The following EPB41L4B variants were observed in gnomAD, a reference collection of about 807,000 sequenced individuals.
The protein encoded by EPB41L4B is band 4.1-like protein 4B.
A neutral mutation model predicts 112.5 loss-of-function variants in EPB41L4B; 30 were observed. The observed-to-expected ratio is 0.27, with a 90% CI of 0.20 to 0.36. The LOEUF (loss-of-function observed/expected upper bound fraction) is 0.36. Ranked by LOEUF, EPB41L4B falls within the 10% of genes least tolerant of loss-of-function variation. The probability of loss-of-function intolerance (pLI) is 1.00; values close to 1 mark genes in which losing one functional copy is unlikely to be tolerated. For synonymous variants in EPB41L4B, 408 were observed against 439.7 expected (o/e 0.93, Z 0.90); for missense variants, 1,024 against 1,133.3 (o/e 0.90, Z 1.38).
Position 109,307,851 on chromosome 9 carries a change from C to G in EPB41L4B, c.306+12290G>C, listed in dbSNP as rs115532466. ...AAGAGATGGCAGAGTCTCAGAGGGGCAAAGAGGCTCGCTGGATGTCGCTCA... is the reference window on the plus strand; with the variant it reads ...AAGAGATGGCAGAGTCTCAGAGGGGGAAAGAGGCTCGCTGGATGTCGCTCA... On this transcript the variant is annotated intron_variant, in intron 1 of 25. Coordinates refer to ENST00000374566, the MANE Select transcript of EPB41L4B (RefSeq NM_019114.5). Among the ~76,000 whole-genome samples, 1,056 of 152,162 alleles carry G rather than the reference C, an allele frequency of 6.9e-3. 12 individuals are homozygous for G. Among genetic ancestry groups the G allele is most frequent in the African/African-American group, 0.024 (1,013 of 41,518 alleles).
At chr9:109,281,683 CATAA>C (rs201132051) in intron 1 of EPB41L4B, among the ~76,000 whole-genome samples, 13,036 of 138,442 alleles carry the variant, frequency 0.094, 753 homozygotes, top group Admixed American at 0.12. Flanking sequence ...GACTCCGTCT[CATAA>C]ATAAATAAAT....
chr9:109,207,051 C>T (rs1833012037), intron 18 of EPB41L4B, among the ~76,000 whole-genome samples: 1 of 152,232 alleles, frequency 6.6e-6, no homozygotes, highest in Non-Finnish European at 1.5e-5. Context: ...GTCCAGGACC[C>T]ACAGGCATGT....
intron 6 of EPB41L4B, among the ~76,000 whole-genome samples, chr9:109,260,690 C>CT (rs1181431714): frequency 6.6e-6 from 1 of 152,194 alleles, no homozygotes; most frequent in Non-Finnish European, 1.5e-5. Flanking sequence ...GCTGGGATTA[C>CT]AGGGGTGAGC....
intron 2 of EPB41L4B, among the ~76,000 whole-genome samples, chr9:109,278,132 G>A (rs1409051698): frequency 1.3e-5 from 2 of 152,138 alleles, no homozygotes; most frequent in Admixed American, 6.5e-5. Context: ...CAAAGGAAGC[G>A]GAATTGGACT....
chr9:109,302,681 G>A (rs553945605), intron 1 of EPB41L4B, among the ~76,000 whole-genome samples: 2 of 151,952 alleles, frequency 1.3e-5, no homozygotes, highest in Non-Finnish European at 2.9e-5. Context: ...AAGATCCAAC[G>A]TTCTCCACAG....
rs185894281 is a variant in EPB41L4B, at chr9:109,234,871, C to A, written c.1409+8747G>T. Among the ~76,000 whole-genome samples the A allele has an allele frequency of 1.2e-3, 183 of 152,288 alleles. 1 individual carries two copies. The highest frequency in any genetic ancestry group is 4.3e-3 in the African/African-American group (178 of 41,560). On this transcript the variant is annotated intron_variant, in intron 15 of 25. Transcript: ENST00000374566. ...AGACCGTGTCTCAAAAACAAACAAA[C>A]AAAAACAACAACAAAATGGCAACAA...
intron 6 of EPB41L4B, among the ~76,000 whole-genome samples, chr9:109,259,456 G>A (rs1835117408): frequency 6.6e-6 from 1 of 152,164 alleles, no homozygotes; most frequent in Admixed American, 6.5e-5. Flanking sequence ...AAGAACCTCT[G>A]CTGCACACAT....
intron 1 of EPB41L4B, among the ~76,000 whole-genome samples, chr9:109,307,997 T>C (rs1837277962): frequency 6.6e-6 from 1 of 152,154 alleles, no homozygotes; most frequent in Non-Finnish European, 1.5e-5. Context: ...GGGAAAGGCC[T>C]TTCGCCGCCT....
intron 1 of EPB41L4B, among the ~76,000 whole-genome samples, chr9:109,288,736 A>AAAAAAAAAAAAAAAAAAAC: frequency 7.0e-6 from 1 of 142,646 alleles, no homozygotes; most frequent in African/African-American, 2.6e-5. Flanking sequence ...AAAAAAAAAA[A>AAAAAAAAAAAAAAAAAAAC]AAAAAAAAAA....
chr9:109,302,923 TA>T (rs1461927095), intron 1 of EPB41L4B, among the ~76,000 whole-genome samples: 1 of 151,262 alleles, frequency 6.6e-6, no homozygotes, highest in South Asian at 2.1e-4. Flanking sequence ...TTATCACAAT[TA>T]AAAAAAAGAA....
chr9:109,206,475 G>C lies in EPB41L4B; in HGVS notation c.1878+1449C>G, dbSNP rs947956793. Among the ~76,000 whole-genome samples the C allele has an allele frequency of 2.6e-5, 4 of 152,244 alleles. No homozygotes were observed. The East Asian group carries it at 7.7e-4, about 29-fold the overall frequency. ...TGAGGCTACAGGCATGAGCCACTGT[G>C]CCCAGGGTGAAGAAGATAGTTATAT... On this transcript the variant is annotated intron_variant, in intron 18 of 25. Coordinates refer to ENST00000374566, the MANE Select transcript of EPB41L4B (RefSeq NM_019114.5).
At chr9:109,294,110 T>C (rs1032282991) in intron 1 of EPB41L4B, among the ~76,000 whole-genome samples, 1 of 151,134 alleles carries the variant, frequency 6.6e-6, no homozygotes, top group Non-Finnish European at 1.5e-5. Flanking sequence ...ATCGAGACCA[T>C]CCTGGCTAAC....
chr9:109,280,812 A>T lies in EPB41L4B; in HGVS notation c.307-891T>A, dbSNP rs934005351. Among the ~76,000 whole-genome samples, 5 of 152,290 alleles carry T rather than the reference A, an allele frequency of 3.3e-5. No individual in the cohort carries two copies. In the East Asian group the frequency reaches 9.7e-4, roughly 29 times the overall value. On this transcript the variant is annotated intron_variant, in intron 1 of 25. Coordinates refer to ENST00000374566, the MANE Select transcript of EPB41L4B (RefSeq NM_019114.5). ...AAGTGCCATAATCACAAAGAAAAAA[A>T]AAAACCCAACTCCATAGGATGACTC...
intron 2 of EPB41L4B, among the ~76,000 whole-genome samples, chr9:109,273,270 AG>A (rs1309223200): frequency 2.0e-5 from 3 of 151,120 alleles, no homozygotes; most frequent in Admixed American, 6.6e-5. Flanking sequence ...TTTTCGAGAC[AG>A]AGTCTCGCTC....
chr9:109,201,416 C>T (rs954699854), intron 19 of EPB41L4B, among the ~76,000 whole-genome samples: 2 of 141,900 alleles, frequency 1.4e-5, no homozygotes, highest in African/African-American at 5.3e-5. Flanking sequence ...TGCTACTCCA[C>T]TGCAGCCTGG....
chr9:109,242,090 TG>T (rs1283190203), intron 15 of EPB41L4B, among the ~76,000 whole-genome samples: 1 of 152,198 alleles, frequency 6.6e-6, no homozygotes, highest in Non-Finnish European at 1.5e-5. Context: ...GAAAGCTAAG[TG>T]AAGGTGGAAA....
chr9:109,213,200 C>T (rs1306011429), intron 17 of EPB41L4B, among the ~76,000 whole-genome samples: 1 of 152,192 alleles, frequency 6.6e-6, no homozygotes. Flanking sequence ...ATGTATCGTT[C>T]TAAGATAAAA....
In EPB41L4B at chr9:109,320,354, G is replaced by C. The variant is rs1837823316; in HGVS notation, c.93C>G (p.Asp31Glu). ...CCCCCCGTGGCCCCCCATCGCGCTC[G>C]TCCCCCAGCCCGGCGGCCCCGCGCC... is the stretch of plus-strand genomic sequence containing the variant. ...AAGRGAAGLGDERDGGPRGGP... is the reference protein window; with the variant it reads ...AAGRGAAGLGEERDGGPRGGP... Residue 31 changes from aspartate to glutamate, a missense_variant, in exon 1 of 26, where the codon GAC (aspartate) becomes GAG (glutamate). By Grantham distance (45) the Asp-to-Glu change is conservative. Transcript: ENST00000374566. 1 of 983,834 alleles carries C rather than the reference G, an allele frequency of 1.0e-6. No individual in the cohort carries two copies. The highest frequency in any genetic ancestry group is 1.8e-5 in the African/African-American group (1 of 56,480). 60.9% of individuals were successfully genotyped at this position (983,834 alleles called of 1,614,324 possible). A position where few individuals can be genotyped will look rare whatever the true frequency, so the allele number is the denominator to read the frequency against.
intron 15 of EPB41L4B, among the ~76,000 whole-genome samples, chr9:109,236,772 C>T (rs1834158187): frequency 6.6e-6 from 1 of 152,190 alleles, no homozygotes; most frequent in Admixed American, 6.5e-5. Flanking sequence ...TTACAATGTG[C>T]CATTTCTCAT....
Sources: allele counts gnomAD v4.1 joint callset (sites outside exome capture counted in the v4.1 genomes callset), GRCh38; gene constraint gnomAD v4.1.1; transcripts MANE v1.5; gene names NCBI Gene and HGNC (gene_info 2026-07-23, HGNC 2026-07-21).